The following STK26 variants were observed in gnomAD, a reference collection of about 807,000 sequenced individuals.
STK26 encodes the protein serine/threonine-protein kinase 26.
STK26 carries 14 observed loss-of-function variants against 34.7 expected under a neutral mutation model. That is an observed-to-expected ratio of 0.40 (90% CI 0.27 to 0.63). STK26 has a LOEUF of 0.63. STK26 is among the 30% of genes least tolerant of loss of function. The probability of loss-of-function intolerance (pLI) is 0.38; values close to 1 mark genes in which losing one functional copy is unlikely to be tolerated. For missense variants in STK26, 226 were observed against 309.1 expected, an observed-to-expected ratio of 0.73 and a Z score of 2.02; for synonymous variants, 100 against 109.8, an observed-to-expected ratio of 0.91 and a Z score of 0.56.
chrX:132,044,807 CTATA>C (rs1389608918), intron 2 of STK26, among the ~76,000 whole-genome samples: 1 of 46,542 alleles, frequency 2.1e-5, no homozygotes, highest in Non-Finnish European at 3.9e-5. Context: ...AGAGAGAGAT[CTATA>C]TATATATTTA....
intron 2 of STK26, among the ~76,000 whole-genome samples, chrX:132,028,348 A>G (rs927162524): frequency 8.9e-6 from 1 of 111,827 alleles, no homozygotes; most frequent in Non-Finnish European, 1.9e-5. Flanking sequence ...TGGGAGACTT[A>G]TGATACATCT....
chrX:132,026,396 G>T (rs1935101216), intron 2 of STK26, among the ~76,000 whole-genome samples: 1 of 111,631 alleles, frequency 9.0e-6, no homozygotes, highest in South Asian at 3.7e-4. Flanking sequence ...AATGTTGAGG[G>T]TATGAAGTTT....
At chrX:132,065,290 C>T (rs1927183741) in intron 4 of STK26, among the ~76,000 whole-genome samples, 1 of 111,832 alleles carries the variant, frequency 8.9e-6, no homozygotes, top group Non-Finnish European at 1.9e-5. Flanking sequence ...TTTTCATTAG[C>T]TCTACAAGAA....
chrX:132,062,943 A>G (rs1400937435), intron 3 of STK26, among the ~76,000 whole-genome samples: 1 of 111,289 alleles, frequency 9.0e-6, no homozygotes, highest in Non-Finnish European at 1.9e-5. Context: ...TACATTTTAG[A>G]ATCTGTTCTT....
intron 2 of STK26, among the ~76,000 whole-genome samples, chrX:132,047,373 C>A (rs893948092): frequency 8.9e-6 from 1 of 111,907 alleles, no homozygotes; most frequent in African/African-American, 3.2e-5. Context: ...CAATTCTAGG[C>A]CTGCATAAAC....
intron 3 of STK26, among the ~76,000 whole-genome samples, chrX:132,062,916 G>A (rs73237342): frequency 0.01 from 1,150 of 111,266 alleles, 10 homozygotes; most frequent in Non-Finnish European, 0.017. Context: ...GGGTTCCCAA[G>A]CAACCATTTT....
chrX:132,040,454 A>G (rs899967255), intron 2 of STK26, among the ~76,000 whole-genome samples: 11 of 112,289 alleles, frequency 9.8e-5, no homozygotes, highest in African/African-American at 3.6e-4. Context: ...TTAGAGATAC[A>G]CTTTAACCAT....
rs1295235111 is a variant in STK26 at position 132,060,725 on chromosome X, C to T, written c.274-2708C>T. Among the ~76,000 whole-genome samples, 4 of 108,932 alleles carry T rather than the reference C, an allele frequency of 3.7e-5. No homozygotes were observed. In the East Asian group the frequency reaches 1.1e-3, roughly 31 times the overall value. The allele number at this position is 108,932 out of a possible 115,157, so 94.6% of individuals were successfully genotyped here. On this transcript the variant is annotated intron_variant, in intron 3 of 11. Coordinates refer to ENST00000394334, the MANE Select transcript of STK26 (RefSeq NM_016542.4). ...CCACCTCCCAGGTTCAATTGATCCT[C>T]CCACCTCAGCCTCCCGAGTAGCTGG... is the stretch of plus-strand genomic sequence containing the variant.
Position 132,073,033 on chromosome X carries a change from A to C in STK26, c.1166A>C (p.Glu389Ala). ...CTCGAGAAAAGTATTGCTGTGGCTG[A>C]AGCCGCCTGTCCCGGCATCACAGAT... ...EELEKSIAVAEAACPGITDKM... is the reference protein window; with the variant it reads ...EELEKSIAVAAAACPGITDKM... Residue 389 changes from glutamate (E) to alanine (A), a missense_variant, in exon 11 of 12, where the codon GAA (glutamate) becomes GCA (alanine). By Grantham distance (107) the Glu-to-Ala change is moderately radical. Around this residue, in one of 2 missense-constraint regions of STK26, gnomAD observed 126 missense variants for 132.4 expected, o/e 0.95. Coordinates refer to ENST00000394334, the MANE Select transcript of STK26 (RefSeq NM_016542.4). The C allele has an allele frequency of 8.3e-7, 1 of 1,210,790 alleles. No homozygotes were observed. The highest frequency in any genetic ancestry group is 1.1e-6 in the Non-Finnish European group (1 of 894,697).
intron 2 of STK26, among the ~76,000 whole-genome samples, chrX:132,032,398 G>A (rs1466594396): frequency 2.7e-5 from 3 of 111,685 alleles, no homozygotes; most frequent in Non-Finnish European, 5.7e-5. Context: ...CTCTTTTTTG[G>A]TCAAGCATCT....
chrX:132,053,445 T>C (rs1265257620), intron 2 of STK26, among the ~76,000 whole-genome samples: 1 of 112,034 alleles, frequency 8.9e-6, no homozygotes, highest in African/African-American at 3.2e-5. Flanking sequence ...TGTGTCCATT[T>C]GGTGATCATG....
chrX:132,048,974 G>A (rs1926593973), intron 2 of STK26, among the ~76,000 whole-genome samples: 2 of 107,785 alleles, frequency 1.9e-5, no homozygotes, highest in African/African-American at 6.7e-5. Flanking sequence ...TTTTTTGTTT[G>A]TTTGTTTGTT....
intron 2 of STK26, among the ~76,000 whole-genome samples, chrX:132,031,306 C>T (rs1466407247): frequency 9.0e-6 from 1 of 111,730 alleles, no homozygotes; most frequent in Non-Finnish European, 1.9e-5. Context: ...TATCTATCAC[C>T]TCAAACATTT....
intron 6 of STK26, 107 bp from the exon 7 acceptor site, chrX:132,069,371 A>G (rs1476100210): frequency 6.1e-6 from 1 of 163,000 alleles, no homozygotes; most frequent in African/African-American, 3.5e-5. Flanking sequence ...TTGTGGTAGT[A>G]TATTGGAATG....
intron 3 of STK26, among the ~76,000 whole-genome samples, chrX:132,058,432 G>A (rs1350756813): frequency 9.0e-6 from 1 of 110,901 alleles, no homozygotes; most frequent in African/African-American, 3.3e-5. Flanking sequence ...TATTAAATAC[G>A]CCCTATTTAA....
At chrX:132,067,890 T>C (rs1470696437) in intron 4 of STK26, among the ~76,000 whole-genome samples, 1 of 111,490 alleles carries the variant, frequency 9.0e-6, no homozygotes, top group African/African-American at 3.3e-5. Context: ...TAGTTGGTTC[T>C]GTCATTACGT....
chrX:132,055,368 C>A, intron 3 of STK26: 1 of 826,400 alleles, frequency 1.2e-6, no homozygotes, highest in African/African-American at 2.0e-5. Context: ...ACATCTTAAG[C>A]ATGTGGTAAA....
chrX:132,070,946 TTATGTC>T (rs1927394179), intron 7 of STK26, 117 bp from the exon 8 acceptor site: 7 of 708,514 alleles, frequency 9.9e-6, no homozygotes, highest in Middle Eastern at 1.0e-3. Context: ...TTAGTTGTTC[TTATGTC>T]TACAGACATA....
intron 2 of STK26, among the ~76,000 whole-genome samples, chrX:132,046,363 A>G (rs926523146): frequency 2.6e-4 from 29 of 111,866 alleles, no homozygotes; most frequent in African/African-American, 8.8e-4. Context: ...AATTAGACTC[A>G]AAATTATTAG....
Sources: gnomAD v4.1 joint callset for allele counts (sites outside exome capture counted in the v4.1 genomes callset) on GRCh38, gnomAD v4.1.1 for gene constraint, gnomAD v4.1.1 regional missense constraint, MANE v1.5 for transcripts, NCBI Gene and HGNC (gene_info 2026-07-23, HGNC 2026-07-21) for gene names.